CDH12: variants seen among roughly 807,000 people sequenced by gnomAD.
The protein encoded by CDH12 is cadherin 12.
Under a neutral mutation model 74.1 loss-of-function variants are expected in CDH12, and 41 were observed. The ratio of observed to expected loss-of-function variants is 0.55; its 90% confidence interval spans 0.43 to 0.72. The LOEUF is 0.72. CDH12 is among the 30% of genes least tolerant of loss of function. The pLI is 0.00. For synonymous variants in CDH12, 399 were observed against 355.0 expected (o/e 1.12, Z -1.39); for missense variants, 945 against 977.2 (o/e 0.97, Z 0.44).
intron 4 of CDH12, 146 bp downstream of exon 4, chr5:22,212,352 C>T (rs1751591480): frequency 4.1e-6 from 1 of 243,810 alleles, no homozygotes; most frequent in African/African-American, 2.3e-5. Flanking sequence ...ATCTCCAACG[C>T]CGTTTTCACT....
intron 5 of CDH12, among the ~76,000 whole-genome samples, chr5:22,027,059 C>G (rs1738411830): frequency 6.6e-6 from 1 of 152,106 alleles, no homozygotes; most frequent in South Asian, 2.1e-4. Flanking sequence ...TTTTCTGCAT[C>G]TATTGAGATA....
chr5:22,494,742 GA>G, intron 2 of CDH12, among the ~76,000 whole-genome samples: 1 of 152,242 alleles, frequency 6.6e-6, no homozygotes, highest in Non-Finnish European at 1.5e-5. Flanking sequence ...ATAAAAGCTG[GA>G]AAAACAAAGA....
At chr5:21,769,341 A>G (rs916411124) in intron 11 of CDH12, among the ~76,000 whole-genome samples, 15 of 152,104 alleles carry the variant, frequency 9.9e-5, no homozygotes, top group African/African-American at 3.6e-4. Context: ...GATGACATGA[A>G]CCTGTAGATG....
intron 6 of CDH12, among the ~76,000 whole-genome samples, chr5:21,898,683 A>G (rs2150051688): frequency 6.6e-6 from 1 of 152,170 alleles, no homozygotes; most frequent in East Asian, 1.9e-4. Flanking sequence ...GCCTGGCAAC[A>G]GAGCGAGACT....
intron 10 of CDH12, among the ~76,000 whole-genome samples, chr5:21,798,222 C>G (rs1487621426): frequency 6.7e-6 from 1 of 148,882 alleles, no homozygotes; most frequent in Non-Finnish European, 1.5e-5. Context: ...TGGAGAATAC[C>G]TAACAAATAT....
rs367552939 is a variant in CDH12 at position 21,924,755 on chromosome 5, C to T, written c.526+50336G>A. On this transcript the variant is annotated intron_variant, in intron 6 of 14. Coordinates refer to ENST00000382254, the MANE Select transcript of CDH12 (RefSeq NM_004061.5). ...TACTGACTTTCTCTTTTGTGGCTTA[C>T]GGTTGAGGTGATGTGAAAATTTTGC... Among the ~76,000 whole-genome samples, 45 of 152,192 alleles carry T rather than the reference C, an allele frequency of 3.0e-4. 1 individual carries two copies. In the South Asian group the frequency reaches 8.3e-3, roughly 28 times the overall value.
At position 22,701,426 on chromosome 5, in the gene CDH12, AG is replaced by A. The variant is rs551883669; in HGVS notation, c.-523+151631del. ...TCTACAGCAATAAGATTAAAAAAAA[AG>A]ATTGTCACTTCTCATATTAAAAATT... On this transcript the variant is annotated intron_variant, in intron 1 of 14. Transcript: ENST00000382254. 3.1e-3 allele frequency among the ~76,000 whole-genome samples: 477 copies of A among 152,256 alleles called. 4 individuals are homozygous for A. The highest frequency in any genetic ancestry group is 0.011 in the African/African-American group (458 of 41,552).
At chr5:22,216,959 G>T (rs1025610070) in intron 3 of CDH12, among the ~76,000 whole-genome samples, 24 of 151,692 alleles carry the variant, frequency 1.6e-4, no homozygotes, top group Non-Finnish European at 3.0e-4. Context: ...GCATCTATTT[G>T]CCTAATAATT....
At chr5:22,734,134 T>C (rs1446991572) in intron 1 of CDH12, among the ~76,000 whole-genome samples, 2 of 152,016 alleles carry the variant, frequency 1.3e-5, no homozygotes, top group African/African-American at 4.8e-5. Context: ...TCTGATTCTA[T>C]AATCTCCTTC....
At chr5:22,176,391 A>G (rs917096410) in intron 4 of CDH12, among the ~76,000 whole-genome samples, 15 of 151,890 alleles carry the variant, frequency 9.9e-5, no homozygotes, top group Non-Finnish European at 1.5e-4. Flanking sequence ...AGTCTTTCTG[A>G]TACTTTAAAT....
intron 1 of CDH12, among the ~76,000 whole-genome samples, chr5:22,583,224 G>T (rs1740193782): frequency 6.6e-6 from 1 of 152,138 alleles, no homozygotes; most frequent in South Asian, 2.1e-4. Context: ...TCAGCAATGT[G>T]TTGACCAGTC....
chr5:22,206,318 G>A (rs1290708133), intron 4 of CDH12, among the ~76,000 whole-genome samples: 5 of 152,310 alleles, frequency 3.3e-5, no homozygotes, highest in East Asian at 1.9e-4. Context: ...TTGCGTGCCT[G>A]TTCTTAAGGT....
At chr5:22,142,918 T>C (rs1342725420) in intron 4 of CDH12, 4 of 237,048 alleles carry the variant, frequency 1.7e-5, no homozygotes, top group Non-Finnish European at 3.8e-5. Flanking sequence ...TTTTTTGATA[T>C]GGACCTGTTG....
At chr5:21,841,752 G>C (rs938153970) in intron 8 of CDH12, among the ~76,000 whole-genome samples, 6 of 150,890 alleles carry the variant, frequency 4.0e-5, no homozygotes, top group African/African-American at 9.7e-5. Context: ...GTAAACTATC[G>C]CAAGAACAAA....
rs188249646 is a variant in CDH12, at chr5:22,434,658, T to C, written c.-427-29307A>G. Among the ~76,000 whole-genome samples the C allele has an allele frequency of 9.7e-4, 148 of 152,282 alleles. 1 individual carries two copies. The highest frequency in any genetic ancestry group is 1.7e-3 in the Non-Finnish European group (113 of 68,010). On this transcript the variant is annotated intron_variant, in intron 2 of 14. Transcript: ENST00000382254. ...CCATGCACAATCTTGCAGACTTTTA[T>C]ATAACGTCATTTTAATGCAGGGGCT...
At chr5:22,154,144 T>C (rs1356159946) in intron 4 of CDH12, among the ~76,000 whole-genome samples, 3 of 150,436 alleles carry the variant, frequency 2.0e-5, no homozygotes, top group Non-Finnish European at 1.5e-5. Context: ...TGCTGTACAC[T>C]GTGATGTTTT....
intron 1 of CDH12, among the ~76,000 whole-genome samples, chr5:22,524,736 T>C (rs1737193370): frequency 6.6e-6 from 1 of 152,212 alleles, no homozygotes; most frequent in Non-Finnish European, 1.5e-5. Context: ...GTCATCTTTA[T>C]TGCTCACATT....
At chr5:21,772,721 T>C (rs1241564619) in intron 11 of CDH12, among the ~76,000 whole-genome samples, 2 of 152,204 alleles carry the variant, frequency 1.3e-5, no homozygotes, top group African/African-American at 4.8e-5. Context: ...CAATTCCATG[T>C]AAAAACATTT....
chr5:21,806,545 AACCTTGAG>A lies in CDH12; in HGVS notation c.1003-4133_1003-4126del, dbSNP rs1269413482. Among the ~76,000 whole-genome samples the A allele has an allele frequency of 5.3e-5, 8 of 152,256 alleles. 1 individual carries two copies. In the South Asian group the frequency reaches 1.7e-3, roughly 32 times the overall value. On this transcript the variant is annotated intron_variant, in intron 9 of 14. Coordinates refer to ENST00000382254, the MANE Select transcript of CDH12 (RefSeq NM_004061.5). ...TGCTCTGGGCCACCATTCTTTCTGT[AACCTTGAG>A]ATGGTGATTAGATTCTGTAACTTAT...
Sources: gnomAD v4.1 joint callset for allele counts (sites outside exome capture counted in the v4.1 genomes callset) on GRCh38, gnomAD v4.1.1 for gene constraint, MANE v1.5 for transcripts, NCBI Gene and HGNC (gene_info 2026-07-23, HGNC 2026-07-21) for gene names.